SSX2IP: variants seen among roughly 807,000 people sequenced by gnomAD.
The protein encoded by SSX2IP is SSX family member 2 interacting protein.
Under a neutral mutation model 84.9 loss-of-function variants are expected in SSX2IP, and 55 were observed. The observed-to-expected ratio is 0.65, with a 90% CI of 0.52 to 0.81. The LOEUF (loss-of-function observed/expected upper bound fraction) is 0.81. Ranked by LOEUF, SSX2IP falls within the 30% of genes least tolerant of loss-of-function variation. The pLI is 0.00. For missense variants in SSX2IP, 664 were observed against 705.2 expected, an observed-to-expected ratio of 0.94 and a Z score of 0.66; for synonymous variants, 239 against 234.7, an observed-to-expected ratio of 1.02 and a Z score of -0.17.
At chr1:84,678,403 G>A (rs937944903) in intron 1 of SSX2IP, among the ~76,000 whole-genome samples, 1 of 152,116 alleles carries the variant, frequency 6.6e-6, no homozygotes, top group South Asian at 2.1e-4. Context: ...ACAAAACAGT[G>A]CACAACCGCC....
chr1:84,686,055 C>T (rs1655735213), intron 1 of SSX2IP, among the ~76,000 whole-genome samples: 1 of 152,172 alleles, frequency 6.6e-6, no homozygotes, highest in Non-Finnish European at 1.5e-5. Context: ...CAAATCTCCT[C>T]CAAACTTAAT....
chr1:84,671,301 G>A lies in SSX2IP; in HGVS notation c.-82C>T, dbSNP rs1243757222. 6 of 1,563,892 alleles carry A rather than the reference G, an allele frequency of 3.8e-6. No individual in the cohort carries two copies. The highest frequency in any genetic ancestry group is 5.2e-6 in the Non-Finnish European group (6 of 1,158,990). ...CTAGCTGCTGTCACTCTTCTATGTA[G>A]GCATCTCCTTAAAAAGCAGATTATA... is the stretch of plus-strand genomic sequence containing the variant. On this transcript the variant is annotated 5_prime_UTR_variant, in exon 2 of 14. Transcript: ENST00000342203.
chr1:84,687,449 T>C (rs1446106409), intron 1 of SSX2IP, among the ~76,000 whole-genome samples: 2 of 152,234 alleles, frequency 1.3e-5, no homozygotes, highest in Non-Finnish European at 2.9e-5. Flanking sequence ...GCATTATAAC[T>C]GTGTTATTTC....
chr1:84,655,525 T>G, intron 11 of SSX2IP: 1 of 1,343,510 alleles, frequency 7.4e-7, no homozygotes. Flanking sequence ...CTACTGACCG[T>G]GGATGAATGA....
At chr1:84,678,094 A>G (rs780159695) in intron 1 of SSX2IP, among the ~76,000 whole-genome samples, 7 of 152,224 alleles carry the variant, frequency 4.6e-5, no homozygotes, top group Non-Finnish European at 7.3e-5. Context: ...TTACTGAAAC[A>G]TAACTAAAAA....
chr1:84,677,393 T>C (rs1323702398), intron 1 of SSX2IP, among the ~76,000 whole-genome samples: 1 of 152,198 alleles, frequency 6.6e-6, no homozygotes, highest in Non-Finnish European at 1.5e-5. Context: ...TCAGTAAAGT[T>C]CGTTGGCTAG....
intron 12 of SSX2IP, 132 bp downstream of exon 12, chr1:84,651,751 C>CTT: frequency 1.7e-6 from 1 of 599,426 alleles, no homozygotes; most frequent in Non-Finnish European, 2.8e-6. Context: ...AAAAAGTTGA[C>CTT]TTTTAGTTAT....
intron 12 of SSX2IP, among the ~76,000 whole-genome samples, chr1:84,651,418 C>T (rs1330366030): frequency 6.6e-6 from 1 of 152,160 alleles, no homozygotes; most frequent in Non-Finnish European, 1.5e-5. Context: ...ACTTTCACTA[C>T]AGTAAATAAA....
At chr1:84,655,421 T>C (rs1317170115) in intron 11 of SSX2IP, 7 of 1,289,106 alleles carry the variant, frequency 5.4e-6, no homozygotes, top group Non-Finnish European at 6.1e-6. Context: ...TATATAACAA[T>C]GATGGACTGG....
intron 1 of SSX2IP, among the ~76,000 whole-genome samples, chr1:84,674,586 A>G (rs1654046959): frequency 6.6e-6 from 1 of 152,204 alleles, no homozygotes; most frequent in Non-Finnish European, 1.5e-5. Flanking sequence ...CCTTATACAG[A>G]AAGAACACCA....
intron 1 of SSX2IP, among the ~76,000 whole-genome samples, chr1:84,673,892 G>T (rs1388768699): frequency 1.3e-5 from 2 of 152,122 alleles, no homozygotes; most frequent in Non-Finnish European, 2.9e-5. Flanking sequence ...TCTGGCAATG[G>T]TCTTTTGCCA....
At chr1:84,656,647 A>G (rs1191689470) in intron 9 of SSX2IP, among the ~76,000 whole-genome samples, 163 bp from the exon 10 acceptor site, 1 of 152,268 alleles carries the variant, frequency 6.6e-6, no homozygotes, top group East Asian at 1.9e-4. Context: ...AAAATTTCAT[A>G]AGCTATAACA....
At chr1:84,670,483 G>A (rs1653412572) in intron 3 of SSX2IP, 163 bp downstream of exon 3, 1 of 443,976 alleles carries the variant, frequency 2.3e-6, no homozygotes, top group Non-Finnish European at 3.9e-6. Context: ...AGTTAGACTT[G>A]CTATCTCTAG....
chr1:84,675,794 G>A (rs141269144), intron 1 of SSX2IP, among the ~76,000 whole-genome samples: 2 of 152,236 alleles, frequency 1.3e-5, no homozygotes, highest in African/African-American at 4.8e-5. Flanking sequence ...TGTAAATTGC[G>A]TATTCAGTGA....
rs553852589 is a variant in SSX2IP, at chr1:84,674,402, T to A, written c.-89-3094A>T. On this transcript the variant is annotated intron_variant, in intron 1 of 13. Coordinates refer to ENST00000342203, the MANE Select transcript of SSX2IP (RefSeq NM_001166293.2). ...TAAAGGTTGAACACATATTCTTAAA[T>A]GATCTAGAGACAGATATCTTTATAA... is the stretch of plus-strand genomic sequence containing the variant. Among the ~76,000 whole-genome samples, 4 of 152,292 alleles carry A rather than the reference T, an allele frequency of 2.6e-5. No individual in the cohort carries two copies. In the East Asian group the frequency reaches 7.7e-4, roughly 29 times the overall value.
intron 1 of SSX2IP, among the ~76,000 whole-genome samples, chr1:84,685,409 G>A (rs1655649049): frequency 6.6e-6 from 1 of 152,220 alleles, no homozygotes; most frequent in Non-Finnish European, 1.5e-5. Flanking sequence ...AAACTGGTAG[G>A]AGAGAAGCTG....
chr1:84,657,909 G>C (rs1570599664), intron 9 of SSX2IP, among the ~76,000 whole-genome samples: 2 of 152,246 alleles, frequency 1.3e-5, no homozygotes, highest in South Asian at 2.1e-4. Context: ...CAAGGCAGGT[G>C]AATCACTTGA....
intron 1 of SSX2IP, among the ~76,000 whole-genome samples, chr1:84,683,903 C>T (rs1454633317): frequency 1.3e-5 from 2 of 152,036 alleles, no homozygotes; most frequent in Admixed American, 1.3e-4. Flanking sequence ...TAGCAGCAAT[C>T]ATATTCTTAG....
intron 11 of SSX2IP, among the ~76,000 whole-genome samples, chr1:84,653,916 GA>G (rs1448141099): frequency 1.3e-5 from 2 of 151,952 alleles, no homozygotes; most frequent in African/African-American, 4.8e-5. Context: ...GCTATATAAA[GA>G]AAAGCAAAAA....
Sources: allele counts gnomAD v4.1 joint callset (sites outside exome capture counted in the v4.1 genomes callset), GRCh38; gene constraint gnomAD v4.1.1; transcripts MANE v1.5; gene names NCBI Gene and HGNC (gene_info 2026-07-23, HGNC 2026-07-21).